CAMTA1: variants seen among roughly 807,000 people sequenced by gnomAD.
The protein encoded by CAMTA1 is calmodulin binding transcription activator 1.
Under a neutral mutation model 170.9 loss-of-function variants are expected in CAMTA1, and 27 were observed. The observed-to-expected ratio is 0.16, with a 90% confidence interval of 0.12 to 0.22. The LOEUF (loss-of-function observed/expected upper bound fraction) is 0.22. CAMTA1 is among the 10% of genes least tolerant of loss of function. The pLI is 1.00. For synonymous variants in CAMTA1, 833 were observed against 891.5 expected, an observed-to-expected ratio of 0.93 and a Z score of 1.17; for missense variants, 1,619 against 2,217.2, an observed-to-expected ratio of 0.73 and a Z score of 5.42.
At position 7,766,568 on chromosome 1, in the gene CAMTA1, G is replaced by A. The variant is rs879225856; in HGVS notation, c.*77G>A. ...TCATTTCTGTTTTTAGCAGAGACAT[G>A]CAACAACAACACACACGCACACACG... On this transcript the variant is annotated 3_prime_UTR_variant, in exon 23 of 23. Coordinates refer to ENST00000303635, the MANE Select transcript of CAMTA1 (RefSeq NM_015215.4). The A allele has an allele frequency of 6.8e-6, 9 of 1,327,644 alleles. No individual in the cohort carries two copies. The East Asian group carries it at 9.2e-5, about 14-fold the overall frequency. The allele number at this position is 1,327,644 out of a possible 1,614,324, so 82.2% of individuals were successfully genotyped here.
chr1:6,915,167 T>C (rs1385839855), intron 3 of CAMTA1, among the ~76,000 whole-genome samples: 1 of 152,246 alleles, frequency 6.6e-6, no homozygotes, highest in Non-Finnish European at 1.5e-5. Context: ...CCAGACACTT[T>C]GGATTCCTCT....
rs148853302 is a variant in CAMTA1 at position 7,249,125 on chromosome 1, G to A, written c.303-366G>A. ...TAGAAAATCCTTCCACAAGAGATAAGATATTGCAGGCTGCCACGACACCCC... is the reference window on the plus strand; with the variant it reads ...TAGAAAATCCTTCCACAAGAGATAAAATATTGCAGGCTGCCACGACACCCC... On this transcript the variant is annotated intron_variant, in intron 4 of 22. Coordinates refer to ENST00000303635, the MANE Select transcript of CAMTA1 (RefSeq NM_015215.4). This position sits in a 1 kb window ranked among gnomAD's most constrained non-coding sequence, Gnocchi z 4.4. 1.1e-3 allele frequency among the ~76,000 whole-genome samples: 165 copies of A among 152,252 alleles called. 2 individuals carry two copies. The highest frequency in any genetic ancestry group is 3.7e-3 in the African/African-American group (152 of 41,532).
At chr1:6,792,835 T>G (rs1372770139) in intron 1 of CAMTA1, among the ~76,000 whole-genome samples, 1 of 152,190 alleles carries the variant, frequency 6.6e-6, no homozygotes, top group Non-Finnish European at 1.5e-5. Flanking sequence ...TCAAGGAAGA[T>G]ATGCTTGTTT....
chr1:7,626,599 G>A (rs1485025682), intron 6 of CAMTA1, among the ~76,000 whole-genome samples: 2 of 152,216 alleles, frequency 1.3e-5, no homozygotes, highest in Middle Eastern at 3.2e-3. Context: ...TCTGCAAAGC[G>A]AGGGAGGTGT....
intron 4 of CAMTA1, among the ~76,000 whole-genome samples, chr1:7,208,290 T>C (rs942770264): frequency 1.3e-5 from 2 of 149,848 alleles, no homozygotes; most frequent in Admixed American, 1.3e-4. Context: ...ATTCATTCAT[T>C]TGTTTGTTCA....
At chr1:7,082,851 T>C (rs967295548) in intron 3 of CAMTA1, among the ~76,000 whole-genome samples, 4 of 152,250 alleles carry the variant, frequency 2.6e-5, no homozygotes, top group Admixed American at 2.6e-4. Context: ...TCCGTGCTGC[T>C]AATTTGGCAC....
chr1:7,211,585 G>A (rs1658764649), intron 4 of CAMTA1, among the ~76,000 whole-genome samples: 2 of 152,136 alleles, frequency 1.3e-5, no homozygotes, highest in African/African-American at 4.8e-5. Flanking sequence ...GTGGTTCTTT[G>A]CACCCGTCAT....
In CAMTA1 at chr1:7,640,438, G is replaced by C; in HGVS notation, c.549G>C (p.Pro183=). The C allele has an allele frequency of 6.2e-7, 1 of 1,614,094 alleles. No individual in the cohort carries two copies. The highest frequency in any genetic ancestry group is 8.5e-7 in the Non-Finnish European group (1 of 1,180,024). Residue 183 remains proline, a synonymous_variant, in exon 7 of 23, where the codon CCG becomes CCC. Transcript: ENST00000303635. ...TCCTGGTGCACTACCTGAACGTGCCGGCCATCGAGGACTGCGGCAAGCCTT... is the reference window on the plus strand; with the variant it reads ...TCCTGGTGCACTACCTGAACGTGCCCGCCATCGAGGACTGCGGCAAGCCTT... ...DIVLVHYLNV[P]AIEDCGKPCG... is the part of the protein sequence containing the mutation.
intron 1 of CAMTA1, among the ~76,000 whole-genome samples, chr1:6,790,060 T>C (rs1356059390): frequency 1.3e-5 from 2 of 151,970 alleles, no homozygotes; most frequent in Non-Finnish European, 2.9e-5. Flanking sequence ...GTGATCCGCC[T>C]ACCTCAGCCT....
chr1:7,737,608 G>A (rs1286385417), intron 15 of CAMTA1, 38 bp downstream of exon 15: 1 of 1,552,468 alleles, frequency 6.4e-7, no homozygotes, highest in Non-Finnish European at 8.7e-7. Flanking sequence ...GAGCTTGACA[G>A]AGATCCCGTT....
At chr1:6,930,601 G>C (rs1684223882) in intron 3 of CAMTA1, among the ~76,000 whole-genome samples, 1 of 152,150 alleles carries the variant, frequency 6.6e-6, no homozygotes, top group South Asian at 2.1e-4. Flanking sequence ...CCAGCTCTCT[G>C]TACCCCTGTG....
intron 3 of CAMTA1, among the ~76,000 whole-genome samples, chr1:7,077,489 TTCTC>T (rs1639455269): frequency 6.6e-6 from 1 of 152,016 alleles, no homozygotes; most frequent in South Asian, 2.1e-4. Flanking sequence ...CCTCCTTTGA[TTCTC>T]TCTTTGTGAC....
At chr1:7,654,581 C>T (rs2095867877) in intron 7 of CAMTA1, among the ~76,000 whole-genome samples, 2 of 134,016 alleles carry the variant, frequency 1.5e-5, no homozygotes, top group South Asian at 2.6e-4. Context: ...CACACCTATA[C>T]ATACACACAG....
intron 4 of CAMTA1, among the ~76,000 whole-genome samples, chr1:7,206,946 C>T (rs1003566261): frequency 3.3e-5 from 5 of 152,190 alleles, no homozygotes; most frequent in African/African-American, 1.2e-4. Flanking sequence ...CGGCCTGCTT[C>T]TTCTAAGTGC....
Position 6,790,878 on chromosome 1 carries a change from T to G in CAMTA1, c.45+5303T>G, listed in dbSNP as rs189941235. Among the ~76,000 whole-genome samples, 202 of 152,348 alleles carry G rather than the reference T, an allele frequency of 1.3e-3. 1 individual carries two copies. The highest frequency in any genetic ancestry group is 3.4e-3 in the Middle Eastern group (1 of 294). Reference sequence around the variant, plus strand: ...ACAATTTGAAATACCCCTTTTCTTTTTTCCTCTATTAAATTAGATTTACCA... The same window carrying G: ...ACAATTTGAAATACCCCTTTTCTTTGTTCCTCTATTAAATTAGATTTACCA... On this transcript the variant is annotated intron_variant, in intron 1 of 22. Transcript: ENST00000303635.
At chr1:7,412,900 A>G (rs1367484493) in intron 5 of CAMTA1, among the ~76,000 whole-genome samples, 5 of 152,182 alleles carry the variant, frequency 3.3e-5, no homozygotes. Context: ...TCTAACATGT[A>G]AGTCTTTAAT....
chr1:7,237,744 G>C (rs945171926), intron 4 of CAMTA1, among the ~76,000 whole-genome samples: 1 of 152,324 alleles, frequency 6.6e-6, no homozygotes. Context: ...AGCTGCAAGT[G>C]TTTGGAGCTG....
In CAMTA1 at chr1:7,768,243, G is replaced by T. The variant is rs2097035477; in HGVS notation, c.*1752G>T. The T allele has an allele frequency of 6.6e-6, 1 of 151,808 alleles. No individual in the cohort carries two copies. Among genetic ancestry groups the T allele is most frequent in the African/African-American group, 2.4e-5 (1 of 41,116 alleles). The allele number at this position is 151,808 out of a possible 1,614,324, so 9.4% of individuals were successfully genotyped here. On this transcript the variant is annotated 3_prime_UTR_variant, in exon 23 of 23. Coordinates refer to ENST00000303635, the MANE Select transcript of CAMTA1 (RefSeq NM_015215.4). ...CAAAAAAAAAAATGAAAAAGATGCA[G>T]ACTGGTCTTTTAGAGACGGCATGGT... is the stretch of plus-strand genomic sequence containing the variant.
chr1:7,473,819 G>C (rs988747187), intron 6 of CAMTA1, among the ~76,000 whole-genome samples: 1 of 152,264 alleles, frequency 6.6e-6, no homozygotes, highest in African/African-American at 2.4e-5. Context: ...TGGGGCATTA[G>C]TGTAGTTTTT....
Sources: gnomAD v4.1 joint callset for allele counts (sites outside exome capture counted in the v4.1 genomes callset) on GRCh38, gnomAD v4.1.1 for gene constraint, Gnocchi (gnomAD v3.1) non-coding constraint, MANE v1.5 for transcripts, NCBI Gene and HGNC (gene_info 2026-07-23, HGNC 2026-07-21) for gene names.